Variants in SLC24A4 observed in about 807,000 individuals in gnomAD.
SLC24A4 encodes the protein solute carrier family 24 member 4.
Under a neutral mutation model 79.0 loss-of-function variants are expected in SLC24A4, and 53 were observed. The ratio of observed to expected loss-of-function variants is 0.67; its 90% CI spans 0.54 to 0.84. The LOEUF (loss-of-function observed/expected upper bound fraction) is 0.84. Ranked by LOEUF, SLC24A4 falls within the 40% of genes least tolerant of loss-of-function variation. The probability of loss-of-function intolerance (pLI) is 0.00; values close to 1 mark genes in which losing one functional copy is unlikely to be tolerated. For missense variants in SLC24A4, 731 were observed against 822.0 expected, an observed-to-expected ratio of 0.89 and a Z score of 1.35; for synonymous variants, 323 against 323.8, an observed-to-expected ratio of 1.00 and a Z score of 0.03.
chr14:92,396,491 A>G lies in SLC24A4; in HGVS notation c.242-37421A>G, dbSNP rs142545753. Among the ~76,000 whole-genome samples, 3 of 152,334 alleles carry G rather than the reference A, an allele frequency of 2.0e-5. No individual in the cohort carries two copies. The East Asian group carries it at 5.8e-4, about 29-fold the overall frequency. Reference sequence around the variant, plus strand: ...AAAAAGATAAATTTTAAAAATATATAAAAGGTTTGGGAACCCTTGTTTCTG... The same window carrying G: ...AAAAAGATAAATTTTAAAAATATATGAAAGGTTTGGGAACCCTTGTTTCTG... On this transcript the variant is annotated intron_variant, in intron 2 of 16. Coordinates refer to ENST00000532405, the MANE Select transcript of SLC24A4 (RefSeq NM_153646.4).
At chr14:92,472,679 C>G (rs7400774) in intron 12 of SLC24A4, among the ~76,000 whole-genome samples, 26,274 of 152,146 alleles carry the variant, frequency 0.17, 2,832 homozygotes, top group South Asian at 0.33. Context: ...TCTTTATCCA[C>G]TCATTGATTG....
intron 2 of SLC24A4, among the ~76,000 whole-genome samples, chr14:92,335,209 C>T (rs1195946354): frequency 6.6e-6 from 1 of 152,112 alleles, no homozygotes; most frequent in Non-Finnish European, 1.5e-5. Flanking sequence ...TCACAGTTTC[C>T]CCTATTATTG....
intron 2 of SLC24A4, among the ~76,000 whole-genome samples, chr14:92,421,851 C>T (rs1891299916): frequency 6.6e-6 from 1 of 151,868 alleles, no homozygotes; most frequent in African/African-American, 2.4e-5. Flanking sequence ...AAAAATAAAG[C>T]ATAGCAAATT....
rs1024050832 is a variant in SLC24A4, at chr14:92,398,390, CAG to C, written c.242-35519_242-35518del. 1.3e-5 allele frequency among the ~76,000 whole-genome samples: 2 copies of C among 152,150 alleles called. No individual in the cohort carries two copies. Among genetic ancestry groups the C allele is most frequent in the Non-Finnish European group, 2.9e-5 (2 of 68,036 alleles). ...CTGGTGGGCGGAGCAAGCATCCACA[CAG>C]AGTGTTGGAGAAGTGGGCATGGGAG... On this transcript the variant is annotated intron_variant, in intron 2 of 16. Coordinates refer to ENST00000532405, the MANE Select transcript of SLC24A4 (RefSeq NM_153646.4). The surrounding 1 kb of genome is among the most constrained non-coding windows in gnomAD (Gnocchi z 4.1).
chr14:92,428,283 CT>C (rs1172826570), intron 2 of SLC24A4, among the ~76,000 whole-genome samples: 1 of 152,152 alleles, frequency 6.6e-6, no homozygotes, highest in Non-Finnish European at 1.5e-5. Flanking sequence ...CTTTTCTGCC[CT>C]CTGAGTCCCC....
intron 2 of SLC24A4, among the ~76,000 whole-genome samples, chr14:92,405,278 GTAAATT>G (rs982371074): frequency 4.6e-5 from 7 of 152,192 alleles, no homozygotes; most frequent in African/African-American, 1.7e-4. Context: ...GAAATGATGG[GTAAATT>G]TAAGAACAGG....
intron 2 of SLC24A4, among the ~76,000 whole-genome samples, chr14:92,388,662 G>A (rs1321217340): frequency 6.6e-6 from 1 of 152,220 alleles, no homozygotes; most frequent in Non-Finnish European, 1.5e-5. Flanking sequence ...AGTACCAAAT[G>A]AGTAGGAGGG....
At chr14:92,423,947 C>T (rs1891429844) in intron 2 of SLC24A4, among the ~76,000 whole-genome samples, 2 of 152,220 alleles carry the variant, frequency 1.3e-5, no homozygotes, top group African/African-American at 4.8e-5. Flanking sequence ...AGTCTGATAT[C>T]AAGGTATCAG....
At chr14:92,349,008 G>C (rs746654350) in intron 2 of SLC24A4, among the ~76,000 whole-genome samples, 8 of 152,056 alleles carry the variant, frequency 5.3e-5, no homozygotes, top group Middle Eastern at 6.8e-3. Flanking sequence ...TCACGCTGCA[G>C]GCTCTGGGAA....
At chr14:92,426,281 T>C (rs1891562839) in intron 2 of SLC24A4, among the ~76,000 whole-genome samples, 3 of 152,160 alleles carry the variant, frequency 2.0e-5, no homozygotes, top group African/African-American at 2.4e-5. Flanking sequence ...TCAGGCTGCT[T>C]TCACTCACGG....
intron 2 of SLC24A4, among the ~76,000 whole-genome samples, chr14:92,362,114 A>C (rs1419050071): frequency 2.6e-5 from 4 of 152,066 alleles, no homozygotes; most frequent in Non-Finnish European, 5.9e-5. Context: ...TGAGTACTGG[A>C]ATTTTCCTTT....
At chr14:92,348,260 G>A (rs1355626934) in intron 2 of SLC24A4, among the ~76,000 whole-genome samples, 1 of 152,200 alleles carries the variant, frequency 6.6e-6, no homozygotes, top group Non-Finnish European at 1.5e-5. Flanking sequence ...TTGGATGAGC[G>A]AAGGCATCTA....
intron 3 of SLC24A4, among the ~76,000 whole-genome samples, chr14:92,437,321 C>T (rs1264876935): frequency 6.6e-6 from 1 of 152,178 alleles, no homozygotes; most frequent in African/African-American, 2.4e-5. Flanking sequence ...GGCCAATTTG[C>T]TTCTTTGTTC....
intron 2 of SLC24A4, among the ~76,000 whole-genome samples, chr14:92,339,337 T>C (rs1214111203): frequency 1.3e-5 from 2 of 152,182 alleles, no homozygotes; most frequent in Admixed American, 6.5e-5. Context: ...GCATTGAAGA[T>C]GGGAAAGTGT....
At chr14:92,418,503 T>G (rs1443553398) in intron 2 of SLC24A4, among the ~76,000 whole-genome samples, 2 of 152,074 alleles carry the variant, frequency 1.3e-5, no homozygotes, top group African/African-American at 4.8e-5. Context: ...GTGTGTGTGT[T>G]GTGTGTGTTC....
At position 92,482,968 on chromosome 14, in the gene SLC24A4, A is replaced by G. The variant is rs1595357455; in HGVS notation, c.1422+122A>G. 9.6e-6 allele frequency: 9 copies of G among 932,936 alleles called. No individual in the cohort carries two copies. In the Admixed American group the frequency reaches 1.1e-4, roughly 12 times the overall value. 57.8% of individuals were successfully genotyped at this position (932,936 alleles called of 1,614,324 possible). A position where few individuals can be genotyped will look rare whatever the true frequency, so the allele number is the denominator to read the frequency against. On this transcript the variant is annotated intron_variant, in intron 13 of 16. Coordinates refer to ENST00000532405, the MANE Select transcript of SLC24A4 (RefSeq NM_153646.4). Reference sequence around the variant, plus strand: ...GGGCGAGTCACTGGCCTCACTGACCACAGCGTATTTCTCAGTAGAAAAGGG... The same window carrying G: ...GGGCGAGTCACTGGCCTCACTGACCGCAGCGTATTTCTCAGTAGAAAAGGG...
rs919516056 is a variant in SLC24A4, at chr14:92,353,645, T to G, written c.241+27667T>G. Reference sequence around the variant, plus strand: ...TTCAGTCATGAGTGAGGTTGAGCATTTTTCCTATTAGAGTCATTTGTGTTC... The same window carrying G: ...TTCAGTCATGAGTGAGGTTGAGCATGTTTCCTATTAGAGTCATTTGTGTTC... On this transcript the variant is annotated intron_variant, in intron 2 of 16. Coordinates refer to ENST00000532405, the MANE Select transcript of SLC24A4 (RefSeq NM_153646.4). This position sits in a 1 kb window ranked among gnomAD's most constrained non-coding sequence, Gnocchi z 4.1. 2.0e-5 allele frequency among the ~76,000 whole-genome samples: 3 copies of G among 152,198 alleles called. No individual in the cohort carries two copies. The highest frequency in any genetic ancestry group is 6.5e-5 in the Admixed American group (1 of 15,278).
chr14:92,473,138 C>T (rs1419388300), intron 12 of SLC24A4, among the ~76,000 whole-genome samples: 1 of 152,170 alleles, frequency 6.6e-6, no homozygotes, highest in Admixed American at 6.5e-5. Flanking sequence ...TCTTACCACA[C>T]CTGATTAAAA....
At chr14:92,388,642 T>C (rs1296609843) in intron 2 of SLC24A4, among the ~76,000 whole-genome samples, 1 of 152,202 alleles carries the variant, frequency 6.6e-6, no homozygotes, top group Non-Finnish European at 1.5e-5. Flanking sequence ...GTGCCTCCTG[T>C]TCCCCTCTGA....
Sources: gnomAD v4.1 joint callset for allele counts (sites outside exome capture counted in the v4.1 genomes callset) on GRCh38, gnomAD v4.1.1 for gene constraint, Gnocchi (gnomAD v3.1) non-coding constraint, MANE v1.5 for transcripts, NCBI Gene and HGNC (gene_info 2026-07-23, HGNC 2026-07-21) for gene names.